Variants in THAP12 observed in about 807,000 individuals in gnomAD.
The protein encoded by THAP12 is THAP domain containing 12, also known as 52 kDa repressor of the inhibitor of the protein kinase.
A neutral mutation model predicts 63.0 loss-of-function variants in THAP12; 20 were observed. The observed-to-expected ratio is 0.32, with a 90% CI of 0.22 to 0.46. The LOEUF is 0.46. Among genes scored for constraint, THAP12 ranks in the 20% least tolerant of loss-of-function variants. The pLI is 1.00. For missense variants in THAP12, 568 were observed against 908.2 expected, an observed-to-expected ratio of 0.63 and a Z score of 4.81; for synonymous variants, 264 against 328.4, an observed-to-expected ratio of 0.80 and a Z score of 2.12.
chr11:76,374,240 T>C (rs1256412363), intron 1 of THAP12, among the ~76,000 whole-genome samples: 1 of 152,232 alleles, frequency 6.6e-6, no homozygotes, highest in Non-Finnish European at 1.5e-5. Flanking sequence ...CAATGAGCTT[T>C]TTCATGCCCT....
chr11:76,353,882 G>A (rs1203841776), intron 4 of THAP12, among the ~76,000 whole-genome samples: 1 of 152,192 alleles, frequency 6.6e-6, no homozygotes, highest in Non-Finnish European at 1.5e-5. Context: ...GGTGGCACAT[G>A]CCTGTAGTCC....
intron 1 of THAP12, among the ~76,000 whole-genome samples, chr11:76,367,351 C>T (rs1458904017): frequency 2.6e-5 from 4 of 152,200 alleles, no homozygotes; most frequent in African/African-American, 9.7e-5. Flanking sequence ...GCTGGGATTA[C>T]AGGCGTGAGC....
intron 1 of THAP12, 73 bp downstream of exon 1, chr11:76,380,675 G>T: frequency 8.4e-7 from 1 of 1,193,452 alleles, no homozygotes; most frequent in Non-Finnish European, 1.1e-6. Context: ...CCGGGAGCCC[G>T]CCAGGGGCCG....
intron 2 of THAP12, among the ~76,000 whole-genome samples, chr11:76,363,802 T>C (rs527312708): frequency 3.0e-4 from 45 of 152,152 alleles, no homozygotes; most frequent in Non-Finnish European, 5.6e-4. Context: ...GAGAAGGGGT[T>C]TCCCCGTTGG....
At chr11:76,361,230 T>C (rs1946596030) in intron 2 of THAP12, 167 bp from the exon 3 acceptor site, 5 of 504,982 alleles carry the variant, frequency 9.9e-6, no homozygotes, top group Non-Finnish European at 1.7e-5. Flanking sequence ...TTTCCAACTG[T>C]GCCTGCATTT....
chr11:76,353,274 T>C (rs1206996770), intron 4 of THAP12, among the ~76,000 whole-genome samples: 2 of 152,224 alleles, frequency 1.3e-5, no homozygotes, highest in Non-Finnish European at 2.9e-5. Flanking sequence ...ACAGAACTAA[T>C]TACTAAGGTA....
At chr11:76,379,033 G>A (rs1348913625) in intron 1 of THAP12, among the ~76,000 whole-genome samples, 1 of 152,088 alleles carries the variant, frequency 6.6e-6, no homozygotes, top group East Asian at 1.9e-4. Flanking sequence ...TCTTGAAGTC[G>A]GCTGGGCGCG....
chr11:76,352,996 G>A (rs1424024316), intron 4 of THAP12, among the ~76,000 whole-genome samples: 2 of 152,096 alleles, frequency 1.3e-5, no homozygotes, highest in African/African-American at 2.4e-5. Context: ...GACAAACAGT[G>A]TAAAGAGATA....
intron 1 of THAP12, among the ~76,000 whole-genome samples, chr11:76,377,618 T>C (rs946074576): frequency 6.6e-6 from 1 of 152,266 alleles, no homozygotes; most frequent in African/African-American, 2.4e-5. Context: ...ATTGTATTGA[T>C]ATACATTTTG....
chr11:76,352,372 A>G lies in THAP12; in HGVS notation c.778T>C (p.Phe260Leu). The G allele has an allele frequency of 6.2e-7, 1 of 1,612,040 alleles. No homozygotes were observed. The highest frequency in any genetic ancestry group is 8.5e-7 in the Non-Finnish European group (1 of 1,179,850). The change falls in exon 5 of 5, where the codon TTT becomes CTT. Residue 260 changes from phenylalanine to leucine, a missense_variant. Transcript: ENST00000260045. ...ACTACATCGTCAGTGATAATGGAAA[A>G]GAAGTGTGAGTCTCTCACTTCCCTG... ...TLREVRDSHF[F>L]SIITDDVVDI...
At chr11:76,364,428 T>C (rs1165185585) in intron 2 of THAP12, 1 of 436,912 alleles carries the variant, frequency 2.3e-6, no homozygotes. Flanking sequence ...CTCTGCAAAA[T>C]GTATCTGAAA....
At chr11:76,375,372 G>A (rs1946702075) in intron 1 of THAP12, among the ~76,000 whole-genome samples, 1 of 151,606 alleles carries the variant, frequency 6.6e-6, no homozygotes, top group Non-Finnish European at 1.5e-5. Context: ...AGCCACCCTG[G>A]GGCAATCAAG....
chr11:76,364,096 T>A (rs1946616162), intron 2 of THAP12, among the ~76,000 whole-genome samples: 1 of 152,232 alleles, frequency 6.6e-6, no homozygotes, highest in Non-Finnish European at 1.5e-5. Flanking sequence ...CACAATCTGG[T>A]TAGAATTATC....
intron 1 of THAP12, among the ~76,000 whole-genome samples, chr11:76,377,764 G>A (rs1565237119): frequency 6.6e-6 from 1 of 152,190 alleles, no homozygotes; most frequent in Non-Finnish European, 1.5e-5. Context: ...CCTAGGAATG[G>A]AATTGCTGGG....
intron 1 of THAP12, among the ~76,000 whole-genome samples, chr11:76,369,467 G>T (rs1337437018): frequency 1.3e-5 from 2 of 152,256 alleles, no homozygotes; most frequent in Non-Finnish European, 2.9e-5. Context: ...CAGAAAAAGA[G>T]TTAACACAGC....
chr11:76,359,349 G>A (rs1946582531), intron 3 of THAP12: 1 of 151,836 alleles, frequency 6.6e-6, no homozygotes, highest in South Asian at 2.1e-4. Flanking sequence ...TTCTCTTCAT[G>A]GATAGAACTA....
chr11:76,351,196 T>A lies in THAP12; in HGVS notation c.1954A>T (p.Arg652Trp). ...LHCWRIKWKHRGKDIELPSTI... is the reference protein window; with the variant it reads ...LHCWRIKWKHWGKDIELPSTI... ...GACGGAAGCTCTATATCTTTCCCCC[T>A]GTGTTTCCATTTGATTCTCCAACAA... The change falls in exon 5 of 5, where the codon AGG (arginine) becomes TGG (tryptophan). Residue 652 changes from arginine (R) to tryptophan (W), a missense_variant. Transcript: ENST00000260045. 1 of 1,560,926 alleles carries A rather than the reference T, an allele frequency of 6.4e-7. No homozygotes were observed. The highest frequency in any genetic ancestry group is 8.7e-7 in the Non-Finnish European group (1 of 1,154,828).
chr11:76,351,757 C>T lies in THAP12; in HGVS notation c.1393G>A (p.Gly465Ser). ...TNIRWNNYIA[G>S]RAFVLCSAVS... The stretch of plus-strand genomic sequence containing the variant: ...GCACTGCAGAGTACAAATGCTCGGC[C>T]AGCTATATAGTTATTCCATCTAATA... Residue 465 changes from glycine (G) to serine (S), a missense_variant, in exon 5 of 5, where the codon GGC (glycine) becomes AGC (serine). Coordinates refer to ENST00000260045, the MANE Select transcript of THAP12 (RefSeq NM_004705.4). The T allele has an allele frequency of 3.7e-6, 6 of 1,613,404 alleles. No individual in the cohort carries two copies. Among genetic ancestry groups the T allele is most frequent in the Non-Finnish European group, 5.1e-6 (6 of 1,179,520 alleles).
At chr11:76,364,703 C>T (rs1278221482) in intron 2 of THAP12, among the ~76,000 whole-genome samples, 1 of 152,214 alleles carries the variant, frequency 6.6e-6, no homozygotes, top group Non-Finnish European at 1.5e-5. Context: ...GCCAAGCTCA[C>T]ACAGTTAACA....
Sources: gnomAD v4.1 joint callset for allele counts (sites outside exome capture counted in the v4.1 genomes callset) on GRCh38, gnomAD v4.1.1 for gene constraint, MANE v1.5 for transcripts, NCBI Gene and HGNC (gene_info 2026-07-23, HGNC 2026-07-21) for gene names.